Variants in ADGRE3 observed in about 807,000 individuals in gnomAD.
The protein encoded by ADGRE3 is adhesion G protein-coupled receptor E3.
Under a neutral mutation model 80.1 loss-of-function variants are expected in ADGRE3, and 88 were observed. The ratio of observed to expected loss-of-function variants is 1.10; its 90% CI spans 0.93 to 1.31. ADGRE3 has a LOEUF of 1.31. ADGRE3 is among the 40% of genes most tolerant of loss of function. The pLI, the probability that ADGRE3 is intolerant of heterozygous loss-of-function variation, is 0.00. For synonymous variants in ADGRE3, 281 were observed against 294.8 expected, an observed-to-expected ratio of 0.95 and a Z score of 0.48; for missense variants, 715 against 776.5, an observed-to-expected ratio of 0.92 and a Z score of 0.94.
At chr19:14,643,079 C>A (rs1273236221) in intron 9 of ADGRE3, among the ~76,000 whole-genome samples, 1 of 151,828 alleles carries the variant, frequency 6.6e-6, no homozygotes. Flanking sequence ...TGCTACCTCA[C>A]CAGCATCTGT....
chr19:14,646,693 CTCCTTCCTTCCT>C (rs1217192329), intron 8 of ADGRE3, among the ~76,000 whole-genome samples: 21 of 66,528 alleles, frequency 3.2e-4, no homozygotes, highest in African/African-American at 1.3e-3. Context: ...CCCTCCCTCC[CTCCTTCCTTCCT>C]TCCTTCCTTC....
At chr19:14,673,331 G>A (rs1214393283) in intron 1 of ADGRE3, among the ~76,000 whole-genome samples, 1 of 152,230 alleles carries the variant, frequency 6.6e-6, no homozygotes, top group African/African-American at 2.4e-5. Flanking sequence ...CTAATGCCAG[G>A]CTAAAGTAGC....
intron 7 of ADGRE3, among the ~76,000 whole-genome samples, chr19:14,649,156 A>G (rs1257264747): frequency 1.1e-5 from 1 of 87,426 alleles, no homozygotes; most frequent in Admixed American, 1.2e-4. Flanking sequence ...CTCTCTTTCC[A>G]TCTCTCTCCC....
At chr19:14,644,762 G>A (rs1971353948) in intron 8 of ADGRE3, among the ~76,000 whole-genome samples, 1 of 152,126 alleles carries the variant, frequency 6.6e-6, no homozygotes, top group African/African-American at 2.4e-5. Flanking sequence ...GTCTCATTCT[G>A]TCACCCAGGC....
chr19:14,615,758 A>T (rs79381928), downstream of ADGRE3, among the ~76,000 whole-genome samples: 1 of 122,622 alleles, frequency 8.2e-6, no homozygotes. Flanking sequence ...AGACTCTGCT[A>T]AAAAAAAAAA....
rs1205148754 is a variant in ADGRE3, at chr19:14,662,138, T to C, written c.200-20A>G. The C allele has an allele frequency of 2.5e-6, 4 of 1,612,804 alleles. No individual in the cohort carries two copies. The highest frequency in any genetic ancestry group is 2.5e-6 in the Non-Finnish European group (3 of 1,179,130). ...TAATGTCTGGAACACAAAGAAGCAA[T>C]TGGGTCATTCATTCAGCAAAGATTT... On this transcript the variant is annotated intron_variant, in intron 3 of 15. Transcript: ENST00000253673.
intron 6 of ADGRE3, 42 bp from the exon 7 acceptor site, chr19:14,651,246 A>G (rs956897475): frequency 6.2e-7 from 1 of 1,611,454 alleles, no homozygotes; most frequent in African/African-American, 1.3e-5. Context: ...ATATTGTAAG[A>G]AACTTTAAAA....
intron 11 of ADGRE3, among the ~76,000 whole-genome samples, chr19:14,633,949 G>A (rs939649163): frequency 1.3e-5 from 2 of 151,466 alleles, no homozygotes; most frequent in African/African-American, 4.8e-5. Context: ...GCTAATTTTT[G>A]CATTTTTAGT....
At chr19:14,651,765 G>A (rs1971614247) in intron 6 of ADGRE3, among the ~76,000 whole-genome samples, 2 of 152,140 alleles carry the variant, frequency 1.3e-5, no homozygotes, top group Admixed American at 1.3e-4. Flanking sequence ...ATATGGGCTG[G>A]GCACAGTGGC....
At chr19:14,672,878 T>G (rs1256186475) in intron 1 of ADGRE3, among the ~76,000 whole-genome samples, 1 of 152,126 alleles carries the variant, frequency 6.6e-6, no homozygotes, top group Non-Finnish European at 1.5e-5. Context: ...CTTCCAAAGC[T>G]TTGGGATTAT....
At chr19:14,629,311 T>C (rs1216675866) in intron 14 of ADGRE3, among the ~76,000 whole-genome samples, 1 of 152,112 alleles carries the variant, frequency 6.6e-6, no homozygotes, top group African/African-American at 2.4e-5. Context: ...AAAATAGTAG[T>C]TGGAAAAAAA....
intron 8 of ADGRE3, among the ~76,000 whole-genome samples, chr19:14,645,133 G>A (rs932953892): frequency 1.2e-4 from 18 of 152,002 alleles, no homozygotes; most frequent in African/African-American, 4.1e-4. Context: ...AGTTTCAAGA[G>A]ATTTCTTTGG....
At chr19:14,641,324 C>T in intron 10 of ADGRE3, 95 bp downstream of exon 10, 1 of 1,488,770 alleles carries the variant, frequency 6.7e-7, no homozygotes, top group African/African-American at 1.4e-5. Context: ...TCTACAGACC[C>T]AAGGACATTT....
chr19:14,613,790 A>G, the ADGRE3 span, among the ~76,000 whole-genome samples: 1 of 151,126 alleles, frequency 6.6e-6, no homozygotes, highest in Non-Finnish European at 1.5e-5. Flanking sequence ...GGTACAAGCG[A>G]TTCTTGTGCC....
At chr19:14,608,531 T>G in the ADGRE3 span, among the ~76,000 whole-genome samples, 1 of 152,006 alleles carries the variant, frequency 6.6e-6, no homozygotes, top group African/African-American at 2.4e-5. Flanking sequence ...TTTCCTCCAT[T>G]GCAACATCTC....
At chr19:14,627,144 C>A (rs79221600) in intron 14 of ADGRE3, among the ~76,000 whole-genome samples, 1 of 152,068 alleles carries the variant, frequency 6.6e-6, no homozygotes, top group Non-Finnish European at 1.5e-5. Context: ...GGATATTTAG[C>A]GGTATCCCTG....
intron 9 of ADGRE3, among the ~76,000 whole-genome samples, chr19:14,643,143 GGT>G (rs1491422523): frequency 1.1e-4 from 14 of 122,064 alleles, no homozygotes; most frequent in African/African-American, 5.0e-4. Context: ...TAGTAATCAT[GGT>G]TTTTTTTTTT....
intron 7 of ADGRE3, 94 bp from the exon 8 acceptor site, chr19:14,647,459 C>G: frequency 3.8e-6 from 4 of 1,040,094 alleles, no homozygotes; most frequent in Non-Finnish European, 5.4e-6. Flanking sequence ...GTCGCCCAGC[C>G]AGGCTGGAGT....
intron 5 of ADGRE3, among the ~76,000 whole-genome samples, chr19:14,657,808 G>C (rs1971813020): frequency 6.6e-6 from 1 of 151,676 alleles, no homozygotes; most frequent in Non-Finnish European, 1.5e-5. Flanking sequence ...CTGTCACCCA[G>C]GCTGGAGTGC....
Sources: allele counts gnomAD v4.1 joint callset (sites outside exome capture counted in the v4.1 genomes callset), GRCh38; gene constraint gnomAD v4.1.1; transcripts MANE v1.5; gene names NCBI Gene and HGNC (gene_info 2026-07-23, HGNC 2026-07-21).